BANP: variants seen among roughly 807,000 people sequenced by gnomAD.
BANP encodes protein BANP.
In BANP, 11 loss-of-function variants were observed where a neutral mutation model predicts 68.1. That is an observed-to-expected ratio of 0.16 (90% CI 0.10 to 0.27). BANP has a LOEUF of 0.27. Among genes scored for constraint, BANP ranks in the 10% least tolerant of loss-of-function variants. The pLI, the probability that BANP is intolerant of heterozygous loss-of-function variation, is 1.00. For synonymous variants in BANP, 329 were observed against 303.2 expected, an observed-to-expected ratio of 1.09 and a Z score of -0.88; for missense variants, 504 against 722.7, an observed-to-expected ratio of 0.70 and a Z score of 3.47.
intron 1 of BANP, among the ~76,000 whole-genome samples, chr16:87,967,254 C>CTTTTTCTTTTT (rs2060191514): frequency 9.3e-6 from 1 of 106,992 alleles, no homozygotes; most frequent in Non-Finnish European, 1.9e-5. Flanking sequence ...GGAAAAGGTT[C>CTTTTTCTTTTT]TTTTTTTTTT....
At chr16:88,010,564 C>T (rs1361707883) in intron 6 of BANP, among the ~76,000 whole-genome samples, 2 of 152,200 alleles carry the variant, frequency 1.3e-5, no homozygotes, top group African/African-American at 2.4e-5. Context: ...TCCCAGACCT[C>T]GTTGTCCACA....
intron 1 of BANP, among the ~76,000 whole-genome samples, chr16:87,970,745 C>T (rs144880606): frequency 2.1e-4 from 32 of 152,220 alleles, no homozygotes; most frequent in Middle Eastern, 3.4e-3. Flanking sequence ...ACCGGCCGGG[C>T]GCGGTGGCTC....
intron 13 of BANP, among the ~76,000 whole-genome samples, chr16:88,073,959 C>T (rs536653736): frequency 2.0e-4 from 31 of 152,356 alleles, no homozygotes; most frequent in African/African-American, 7.2e-4. Context: ...GCTTAAGGGG[C>T]CGCTTTCCCT....
intron 1 of BANP, among the ~76,000 whole-genome samples, chr16:87,969,216 A>G (rs1348715041): frequency 1.6e-5 from 2 of 127,990 alleles, no homozygotes; most frequent in African/African-American, 6.5e-5. Context: ...GCTAAAAACA[A>G]TGCCTTACGT....
chr16:87,989,790 G>A (rs2065442331), intron 4 of BANP, among the ~76,000 whole-genome samples: 1 of 123,352 alleles, frequency 8.1e-6, no homozygotes, highest in African/African-American at 3.2e-5. Flanking sequence ...GCAGGCCCGC[G>A]TGGCTGCGCG....
chr16:87,998,907 C>G, intron 4 of BANP, among the ~76,000 whole-genome samples: 1 of 57,970 alleles, frequency 1.7e-5, no homozygotes, highest in Non-Finnish European at 3.4e-5. Flanking sequence ...CTTACCAGGC[C>G]TTCCAGACAC....
chr16:88,029,682 C>G (rs1163108679), intron 8 of BANP, among the ~76,000 whole-genome samples: 1 of 151,844 alleles, frequency 6.6e-6, no homozygotes, highest in Non-Finnish European at 1.5e-5. Context: ...ATTGAATTCT[C>G]TTGCCATTGA....
chr16:88,012,744 T>C (rs1394127019), intron 6 of BANP, among the ~76,000 whole-genome samples: 2 of 152,222 alleles, frequency 1.3e-5, no homozygotes, highest in African/African-American at 4.8e-5. Context: ...AATTATTCTT[T>C]CATCTGTTCT....
intron 11 of BANP, among the ~76,000 whole-genome samples, chr16:88,054,350 C>T (rs1407471606): frequency 7.0e-6 from 1 of 142,900 alleles, no homozygotes; most frequent in Admixed American, 7.0e-5. Context: ...ACCACCAACA[C>T]AGCCACCCTA....
rs902673281 is a variant in BANP, at chr16:88,003,857, G to A, written c.363-438G>A. ...TACCAACACTTACGTGGTTACGAAC[G>A]TTAGATCTGTCCCATAGGAATGAGT... On this transcript the variant is annotated intron_variant, in intron 4 of 13. Transcript: ENST00000682872. The surrounding 1 kb of genome is among the most constrained non-coding windows in gnomAD (Gnocchi z 6.1). 8.8e-5 allele frequency: 26 copies of A among 296,522 alleles called. No individual in the cohort carries two copies. Among genetic ancestry groups the A allele is most frequent in the African/African-American group, 5.3e-4 (24 of 45,332 alleles). 18.4% of individuals were successfully genotyped at this position (296,522 alleles called of 1,614,324 possible).
rs1409332594 is a variant in BANP, at chr16:88,036,955, C to T, written c.1273-1018C>T. 6.6e-6 allele frequency among the ~76,000 whole-genome samples: 1 copy of T among 152,158 alleles called. No homozygotes were observed. The highest frequency in any genetic ancestry group is 2.4e-5 in the African/African-American group (1 of 41,434). On this transcript the variant is annotated intron_variant, in intron 10 of 13. Coordinates refer to ENST00000682872, the MANE Select transcript of BANP (RefSeq NM_001386991.1). This position sits in a 1 kb window ranked among gnomAD's most constrained non-coding sequence, Gnocchi z 4.2. ...GCTGCGAGGTGCAGGATCCCAGCAG[C>T]ACCTTCCAGTGCAGGAGCTGCCTTT...
intron 9 of BANP, 113 bp from the exon 10 acceptor site, chr16:88,035,210 T>G: frequency 9.7e-7 from 1 of 1,028,514 alleles, no homozygotes; most frequent in South Asian, 1.5e-5. Flanking sequence ...AGGATTTAGT[T>G]ATCTTTTTGA....
rs902103783 is a variant in BANP, at chr16:88,018,944, C to T, written c.895+277C>T. Among the ~76,000 whole-genome samples the T allele has an allele frequency of 3.9e-5, 6 of 152,222 alleles. No individual in the cohort carries two copies. The highest frequency in any genetic ancestry group is 9.6e-5 in the African/African-American group (4 of 41,452). ...CCTTAGAAGGTGAAAAACTCCTCGC[C>T]TCCTGTCTGTAGGCCACTCTTGAGG... On this transcript the variant is annotated intron_variant, in intron 7 of 13. Coordinates refer to ENST00000682872, the MANE Select transcript of BANP (RefSeq NM_001386991.1). The surrounding 1 kb of genome is among the most constrained non-coding windows in gnomAD (Gnocchi z 7.7).
chr16:88,075,226 A>G (rs923305391), intron 13 of BANP, among the ~76,000 whole-genome samples: 1 of 152,168 alleles, frequency 6.6e-6, no homozygotes, highest in Non-Finnish European at 1.5e-5. Context: ...GGTGCCTGTA[A>G]TCCCAGCTGC....
chr16:87,983,941 G>A, intron 3 of BANP, 119 bp from the exon 4 acceptor site: 1 of 1,401,090 alleles, frequency 7.1e-7, no homozygotes, highest in Non-Finnish European at 9.6e-7. Flanking sequence ...TCCAGTGTGG[G>A]GATTGTTCTG....
intron 11 of BANP, among the ~76,000 whole-genome samples, chr16:88,044,529 A>C (rs2081520789): frequency 1.3e-5 from 2 of 152,230 alleles, no homozygotes; most frequent in Admixed American, 6.5e-5. Context: ...TGGCTATGAC[A>C]CATTGCATTG....
At chr16:88,019,731 A>C (rs1230941299) in intron 7 of BANP, among the ~76,000 whole-genome samples, 1 of 149,948 alleles carries the variant, frequency 6.7e-6, no homozygotes. Flanking sequence ...GCGGGATCTC[A>C]GCGTGCAGGG....
chr16:87,956,333 A>G (rs1279611342), intron 1 of BANP, among the ~76,000 whole-genome samples: 1 of 152,194 alleles, frequency 6.6e-6, no homozygotes, highest in African/African-American at 2.4e-5. Flanking sequence ...ATGAGATGAA[A>G]GCTTTAGAAG....
intron 11 of BANP, among the ~76,000 whole-genome samples, chr16:88,047,941 C>T (rs570315994): frequency 3.9e-4 from 59 of 152,320 alleles, no homozygotes; most frequent in Middle Eastern, 3.4e-3. Flanking sequence ...TAGCAGGGTC[C>T]GCAAGGGCTT....
Sources: allele counts gnomAD v4.1 joint callset (sites outside exome capture counted in the v4.1 genomes callset), GRCh38; gene constraint gnomAD v4.1.1; non-coding constraint Gnocchi (gnomAD v3.1); transcripts MANE v1.5; gene names NCBI Gene and HGNC (gene_info 2026-07-23, HGNC 2026-07-21).